PHACTR3: variants seen among roughly 807,000 people sequenced by gnomAD.
PHACTR3 encodes the protein phosphatase and actin regulator 3, also known as protein phosphatase 1, regulatory subunit 123.
A neutral mutation model predicts 66.8 loss-of-function variants in PHACTR3; 16 were observed. The ratio of observed to expected loss-of-function variants is 0.24; its 90% confidence interval spans 0.16 to 0.36. The LOEUF (loss-of-function observed/expected upper bound fraction) is 0.36, where lower values mean the gene tolerates loss of function less well. Among genes scored for constraint, PHACTR3 ranks in the 10% least tolerant of loss-of-function variants. The pLI, the probability that PHACTR3 is intolerant of heterozygous loss-of-function variation, is 1.00. For synonymous variants in PHACTR3, 323 were observed against 292.1 expected (o/e 1.11, Z -1.08); for missense variants, 647 against 719.9 (o/e 0.90, Z 1.16).
At chr20:59,760,060 G>T (rs2039943266) in intron 4 of PHACTR3, among the ~76,000 whole-genome samples, 1 of 152,100 alleles carries the variant, frequency 6.6e-6, no homozygotes, top group Non-Finnish European at 1.5e-5. Flanking sequence ...CATGAGCTTT[G>T]CTGGGGGTCG....
chr20:59,589,105 C>T (rs76701008), intron 1 of PHACTR3, among the ~76,000 whole-genome samples: 10 of 152,330 alleles, frequency 6.6e-5, no homozygotes, highest in East Asian at 5.8e-4. Context: ...GGTCCGTGAC[C>T]GCAAACTGCA....
upstream of PHACTR3, among the ~76,000 whole-genome samples, chr20:59,601,100 C>T (rs1311359284): frequency 6.6e-6 from 1 of 152,130 alleles, no homozygotes; most frequent in South Asian, 2.1e-4. Context: ...TTCTAGAACT[C>T]AAAAAAGAAA....
At chr20:59,768,222 T>C (rs1358953120) in intron 5 of PHACTR3, among the ~76,000 whole-genome samples, 3 of 152,220 alleles carry the variant, frequency 2.0e-5, no homozygotes, top group Non-Finnish European at 2.9e-5. Flanking sequence ...ACAGGACACA[T>C]TGATGGTCTC....
intron 1 of PHACTR3, among the ~76,000 whole-genome samples, chr20:59,720,610 C>A (rs912328898): frequency 6.6e-6 from 1 of 152,178 alleles, no homozygotes; most frequent in African/African-American, 2.4e-5. Flanking sequence ...AAGGGGAAGC[C>A]GAAGGTGCAC....
At chr20:59,772,557 A>G (rs1002982315) in intron 5 of PHACTR3, among the ~76,000 whole-genome samples, 1 of 152,192 alleles carries the variant, frequency 6.6e-6, no homozygotes, top group African/African-American at 2.4e-5. Context: ...TCAGGCAGAA[A>G]GAACAGCCCA....
At chr20:59,845,484 G>C (rs1352718605) in intron 12 of PHACTR3, among the ~76,000 whole-genome samples, 1 of 152,076 alleles carries the variant, frequency 6.6e-6, no homozygotes, top group Non-Finnish European at 1.5e-5. Flanking sequence ...AACAATATCG[G>C]TTTATTTAAG....
chr20:59,655,280 C>T (rs2146460427), intron 1 of PHACTR3, among the ~76,000 whole-genome samples: 1 of 151,966 alleles, frequency 6.6e-6, no homozygotes, highest in Admixed American at 6.5e-5. Flanking sequence ...TTATATATAG[C>T]TTTATTGAGA....
intron 1 of PHACTR3, among the ~76,000 whole-genome samples, chr20:59,647,870 G>A (rs2035337650): frequency 6.6e-6 from 1 of 152,196 alleles, no homozygotes; most frequent in Admixed American, 6.5e-5. Context: ...TCTGTGAAAT[G>A]GGGGATTTTG....
intron 8 of PHACTR3, among the ~76,000 whole-genome samples, chr20:59,817,569 A>G (rs546687593): frequency 6.6e-6 from 1 of 152,364 alleles, no homozygotes; most frequent in Admixed American, 6.5e-5. Flanking sequence ...TTCACAGCTC[A>G]TTCAACAGAG....
intron 8 of PHACTR3, among the ~76,000 whole-genome samples, chr20:59,828,161 A>G (rs1240870200): frequency 1.3e-5 from 2 of 152,176 alleles, no homozygotes; most frequent in East Asian, 1.9e-4. Context: ...CACAGGAGGT[A>G]TTTTGGTGGA....
intron 7 of PHACTR3, among the ~76,000 whole-genome samples, chr20:59,775,537 C>T (rs1239608054): frequency 6.6e-6 from 1 of 152,104 alleles, no homozygotes. Flanking sequence ...AGCCTTTCCA[C>T]CGGGTCCGAG....
chr20:59,724,430 G>A (rs749466), intron 1 of PHACTR3, among the ~76,000 whole-genome samples: 27,833 of 152,042 alleles, frequency 0.18, 2,886 homozygotes, highest in African/African-American at 0.26. Context: ...TTTTAAAAAG[G>A]CATCTGAATG....
At chr20:59,645,686 G>T (rs567012102) in intron 1 of PHACTR3, among the ~76,000 whole-genome samples, 1 of 151,780 alleles carries the variant, frequency 6.6e-6, no homozygotes, top group African/African-American at 2.4e-5. Context: ...TGTGTGTGGC[G>T]TGTGTGTGTG....
intron 1 of PHACTR3, among the ~76,000 whole-genome samples, chr20:59,594,480 GACAC>G (rs1392579306): frequency 6.6e-6 from 1 of 152,036 alleles, no homozygotes; most frequent in African/African-American, 2.4e-5. Flanking sequence ...ATGTTGAACA[GACAC>G]ACAATGTTGA....
At chr20:59,730,509 G>C (rs1001577664) in intron 1 of PHACTR3, among the ~76,000 whole-genome samples, 1 of 152,174 alleles carries the variant, frequency 6.6e-6, no homozygotes, top group Non-Finnish European at 1.5e-5. Flanking sequence ...TTGCTTGCTT[G>C]CGGGGTAGGC....
intron 1 of PHACTR3, among the ~76,000 whole-genome samples, chr20:59,696,400 A>G (rs1007645618): frequency 6.6e-6 from 1 of 152,116 alleles, no homozygotes; most frequent in African/African-American, 2.4e-5. Flanking sequence ...AGTGATGAAG[A>G]GTGGGGCCAT....
intron 7 of PHACTR3, among the ~76,000 whole-genome samples, chr20:59,800,461 A>C (rs1301961898): frequency 6.6e-6 from 1 of 151,836 alleles, no homozygotes; most frequent in Non-Finnish European, 1.5e-5. Context: ...TTTTTCTTTC[A>C]TTACTTTGTA....
chr20:59,585,757 A>G (rs909238306), intron 1 of PHACTR3, among the ~76,000 whole-genome samples: 12 of 152,222 alleles, frequency 7.9e-5, no homozygotes, highest in Non-Finnish European at 1.5e-4. Context: ...ACCCGCGTGC[A>G]GAGGCCCTTG....
At chr20:59,838,240 A>C (rs966742836) in intron 9 of PHACTR3, among the ~76,000 whole-genome samples, 5 of 152,146 alleles carry the variant, frequency 3.3e-5, no homozygotes, top group Admixed American at 3.3e-4. Context: ...TGTTCTGTGG[A>C]GATGAGAATA....
Sources: allele counts gnomAD v4.1 joint callset (sites outside exome capture counted in the v4.1 genomes callset), GRCh38; gene constraint gnomAD v4.1.1; transcripts MANE v1.5; gene names NCBI Gene and HGNC (gene_info 2026-07-23, HGNC 2026-07-21).